DTX2: variants seen among roughly 807,000 people sequenced by gnomAD.
DTX2 encodes the protein deltex E3 ubiquitin ligase 2, also known as probable E3 ubiquitin-protein ligase DTX2.
In DTX2, 29 loss-of-function variants were observed where a neutral mutation model predicts 55.3. The ratio of observed to expected loss-of-function variants is 0.52; its 90% CI spans 0.39 to 0.71. The LOEUF (loss-of-function observed/expected upper bound fraction) is 0.71. DTX2 is among the 30% of genes least tolerant of loss of function. DTX2 has a pLI of 0.00. For synonymous variants in DTX2, 276 were observed against 340.4 expected (o/e 0.81, Z 2.08); for missense variants, 537 against 822.5 (o/e 0.65, Z 4.25).
intron 2 of DTX2, among the ~76,000 whole-genome samples, chr7:76,474,179 T>G (rs1330582547): frequency 7.5e-6 from 1 of 132,790 alleles, no homozygotes; most frequent in African/African-American, 3.0e-5. Context: ...TGGCCTACTT[T>G]TTTTTTTCTT....
intron 2 of DTX2, among the ~76,000 whole-genome samples, chr7:76,472,505 T>TTA (rs1808047554): frequency 6.8e-6 from 1 of 147,558 alleles, no homozygotes; most frequent in Non-Finnish European, 1.5e-5. Flanking sequence ...TTTTGTATTT[T>TTA]TAGTAGAGAC....
At chr7:76,470,690 G>C (rs1807770640) in intron 2 of DTX2, 1 of 285,094 alleles carries the variant, frequency 3.5e-6, no homozygotes, top group Non-Finnish European at 5.8e-6. Context: ...GCTCCATCAG[G>C]TTCAGGTAAT....
rs760696777 is a variant in DTX2, at chr7:76,492,241, C to T, written c.997C>T (p.Gln333Ter). The T allele has an allele frequency of 3.0e-6, 3 of 1,002,872 alleles. No individual in the cohort carries two copies. Among genetic ancestry groups the T allele is most frequent in the Non-Finnish European group, 4.0e-6 (3 of 748,568 alleles). The allele number at this position is 1,002,872 out of a possible 1,614,324, so 62.1% of individuals were successfully genotyped here. Residue 333 changes from glutamine (Q) to a stop codon, truncating the protein, a stop_gained, in exon 5 of 11, where the codon CAG becomes TAG. Transcript: ENST00000430490. LOFTEE classifies it high-confidence loss of function. ...MQMPKPSRVQQALAGMTSVLM... is the reference protein window; with the variant it reads ...MQMPKPSRVQ ...GATGCCAAAGCCCAGCAGAGTCCAG[C>T]AGGCGCTCGCAGGTAGGTGCCTGAC...
chr7:76,487,937 C>CA (rs1195515651), intron 4 of DTX2, among the ~76,000 whole-genome samples: 2 of 127,618 alleles, frequency 1.6e-5, no homozygotes, highest in African/African-American at 5.7e-5. Flanking sequence ...TTGGTGCCCC[C>CA]ATCTGGGAAC....
chr7:76,472,965 G>GA (rs1306410232), intron 2 of DTX2, among the ~76,000 whole-genome samples: 3 of 151,996 alleles, frequency 2.0e-5, no homozygotes, highest in Non-Finnish European at 2.9e-5. Flanking sequence ...TAAACCTCTT[G>GA]ATACATATAT....
chr7:76,472,824 A>T (rs1808100298), intron 2 of DTX2, among the ~76,000 whole-genome samples: 1 of 152,162 alleles, frequency 6.6e-6, no homozygotes, highest in South Asian at 2.1e-4. Context: ...ATTGACTTCT[A>T]TGGAGTTTGC....
chr7:76,482,393 CTG>C (rs2116388866), intron 3 of DTX2, 113 bp from the exon 4 acceptor site: 1 of 1,128,368 alleles, frequency 8.9e-7, no homozygotes, highest in Admixed American at 2.3e-5. Context: ...AGCAGCATGA[CTG>C]TGTACCTACT....
chr7:76,469,094 A>G (rs1229878724), intron 2 of DTX2, among the ~76,000 whole-genome samples: 1 of 140,560 alleles, frequency 7.1e-6, no homozygotes, highest in Admixed American at 7.4e-5. Context: ...ATAAAGTTAT[A>G]TTGGTATGCA....
chr7:76,486,854 CTG>C (rs1339841387), intron 4 of DTX2, among the ~76,000 whole-genome samples: 31 of 131,972 alleles, frequency 2.3e-4, no homozygotes, highest in Admixed American at 3.8e-4. Context: ...TGGGCTGCTG[CTG>C]CTGCTGCTGC....
intron 2 of DTX2, among the ~76,000 whole-genome samples, chr7:76,466,977 T>G (rs1292873696): frequency 2.6e-5 from 4 of 152,016 alleles, no homozygotes; most frequent in Non-Finnish European, 5.9e-5. Flanking sequence ...CACGGATCAC[T>G]GCCGCCCCAA....
Position 76,505,367 on chromosome 7 carries a change from C to T in DTX2, c.1642-7C>T, listed in dbSNP as rs754752737. 2.9e-5 allele frequency: 45 copies of T among 1,565,076 alleles called. 1 individual carries two copies. The highest frequency in any genetic ancestry group is 7.0e-5 in the South Asian group (6 of 85,276). Reference sequence around the variant, plus strand: ...CCTTCCTCTTCCCCCTCCTCCTCCCCGGGCAGGTCCTAGAGCTCCTGAAGG... The same window carrying T: ...CCTTCCTCTTCCCCCTCCTCCTCCCTGGGCAGGTCCTAGAGCTCCTGAAGG... On this transcript the variant is annotated splice_polypyrimidine_tract_variant and splice_region_variant and intron_variant, in intron 10 of 10. Transcript: ENST00000430490. The surrounding 1 kb of genome is among the most constrained non-coding windows in gnomAD (Gnocchi z 4.4).
rs1447536398 is a variant in DTX2, at chr7:76,501,235, C to G, written c.1230+715C>G. Reference sequence around the variant, plus strand: ...GGGTGGAAGGCCAGGAGCCCCAGTACCCAGGGACTCTTCACTTGTCTCTTT... The same window carrying G: ...GGGTGGAAGGCCAGGAGCCCCAGTAGCCAGGGACTCTTCACTTGTCTCTTT... On this transcript the variant is annotated intron_variant, in intron 7 of 10. Coordinates refer to ENST00000430490, the MANE Select transcript of DTX2 (RefSeq NM_001102594.3). 6.6e-6 allele frequency: 3 copies of G among 455,176 alleles called. No individual in the cohort carries two copies. In the Admixed American group the frequency reaches 7.1e-5, roughly 11 times the overall value. 28.2% of individuals were successfully genotyped at this position (455,176 alleles called of 1,614,324 possible).
In DTX2 at chr7:76,483,058, C is replaced by G. The variant is rs1449614695; in HGVS notation, c.819C>G (p.Ser273=). ...ACGCCTGGGGCGCAGCTCCTCCTTCCCTGGGGAGCCAGCCCCTCTACCGCT... is the reference window on the plus strand; with the variant it reads ...ACGCCTGGGGCGCAGCTCCTCCTTCGCTGGGGAGCCAGCCCCTCTACCGCT... ...TTNAWGAAPP[S]LGSQPLYRSS... The change falls in exon 4 of 11, where the codon TCC becomes TCG. Residue 273 remains serine (S), a synonymous_variant. Transcript: ENST00000430490. 2 of 1,613,282 alleles carry G rather than the reference C, an allele frequency of 1.2e-6. No homozygotes were observed. Among genetic ancestry groups the G allele is most frequent in the Non-Finnish European group, 1.7e-6 (2 of 1,179,738 alleles).
chr7:76,480,783 A>G lies in DTX2; in HGVS notation c.268+6A>G. 1.9e-6 allele frequency: 3 copies of G among 1,589,662 alleles called. No homozygotes were observed. Among genetic ancestry groups the G allele is most frequent in the Non-Finnish European group, 2.6e-6 (3 of 1,166,866 alleles). ...CCAGTTCCGCCAGGACACCGGTAAG[A>G]CGCTGTCTGCCTCTCGCACATATCT... On this transcript the variant is annotated splice_donor_region_variant and intron_variant, in intron 3 of 10. Coordinates refer to ENST00000430490, the MANE Select transcript of DTX2 (RefSeq NM_001102594.3).
rs1299759498 is a variant in DTX2, at chr7:76,505,524, G to A, written c.1792G>A (p.Asp598Asn). The A allele has an allele frequency of 5.0e-6, 8 of 1,609,136 alleles. No individual in the cohort carries two copies. The highest frequency in any genetic ancestry group is 1.3e-5 in the African/African-American group (1 of 74,838). The change falls in exon 11 of 11, where the codon GAC becomes AAC. Residue 598 changes from aspartate to asparagine, a missense_variant. Transcript: ENST00000430490. This position sits in a 1 kb window ranked among gnomAD's most constrained non-coding sequence, Gnocchi z 4.4. ...DRNITGHGYP[D>N]PNYLQNVLAE... ...CAACATTACGGGCCACGGCTATCCC[G>A]ACCCCAACTACCTGCAGAACGTGCT...
Position 76,482,759 on chromosome 7 carries a change from C to G in DTX2, c.520C>G (p.Arg174Gly), listed in dbSNP as rs138102519. 1 of 1,613,746 alleles carries G rather than the reference C, an allele frequency of 6.2e-7. No individual in the cohort carries two copies. Among genetic ancestry groups the G allele is most frequent in the Non-Finnish European group, 8.5e-7 (1 of 1,179,842 alleles). Reference protein sequence around the residue: ...KTSSFCRSVRRQAGPPYPVTT... With the variant: ...KTSSFCRSVRGQAGPPYPVTT... ...TTCCAGCTTCTGCCGCAGCGTGCGG[C>G]GCCAAGCAGGGCCGCCTTACCCGGT... The change falls in exon 4 of 11, where the codon CGC (arginine) becomes GGC (glycine). Residue 174 changes from arginine to glycine, a missense_variant. Around this residue, in one of 7 missense-constraint regions of DTX2, gnomAD observed 301 missense variants for 396.6 expected, o/e 0.76. Transcript: ENST00000430490.
intron 2 of DTX2, among the ~76,000 whole-genome samples, chr7:76,467,145 C>T (rs562988333): frequency 5.7e-3 from 858 of 150,812 alleles, no homozygotes; most frequent in African/African-American, 0.019. Context: ...GCAATTCACC[C>T]GCCTTGGCCT....
Position 76,498,860 on chromosome 7 carries a change from AGGGTGTGTG to A in DTX2, c.1150+1394_1150+1402del, listed in dbSNP as rs1291598300. Among the ~76,000 whole-genome samples, 3 of 52,914 alleles carry A rather than the reference AGGGTGTGTG, an allele frequency of 5.7e-5. 1 individual carries two copies. Among genetic ancestry groups the A allele is most frequent in the Non-Finnish European group, 1.0e-4 (3 of 29,670 alleles). The allele number at this position is 52,914 out of a possible 152,430, so 34.7% of individuals were successfully genotyped here. A position where few individuals can be genotyped will look rare whatever the true frequency, so the allele number is the denominator to read the frequency against. ...AGGGTGTGTGGGGTGTGTGGAGGTG[AGGGTGTGTG>A]GGGTGTGTGGAGGTGTGGGGTGTAT... On this transcript the variant is annotated intron_variant, in intron 6 of 10. Transcript: ENST00000430490.
chr7:76,481,280 G>T (rs1809181889), intron 3 of DTX2, among the ~76,000 whole-genome samples: 1 of 151,976 alleles, frequency 6.6e-6, no homozygotes, highest in South Asian at 2.1e-4. Context: ...CCTGCCTCCT[G>T]GGTTCAAGCG....
Sources: allele counts gnomAD v4.1 joint callset (sites outside exome capture counted in the v4.1 genomes callset), GRCh38; gene constraint gnomAD v4.1.1; regional missense constraint gnomAD v4.1.1; non-coding constraint Gnocchi (gnomAD v3.1); transcripts MANE v1.5; gene names NCBI Gene and HGNC (gene_info 2026-07-23, HGNC 2026-07-21).